The following POU2AF2 variants were observed in gnomAD, a reference collection of about 807,000 sequenced individuals.
The protein encoded by POU2AF2 is POU domain class 2-associating factor 2.
the POU2AF2 span, among the ~76,000 whole-genome samples, chr11:111,253,299 C>A: frequency 1.3e-5 from 2 of 152,176 alleles, no homozygotes; most frequent in Admixed American, 1.3e-4. Flanking sequence ...TTGGAAGTAG[C>A]CTGACCTGTT....
chr11:111,267,451 A>C, the POU2AF2 span, among the ~76,000 whole-genome samples: 1 of 152,050 alleles, frequency 6.6e-6, no homozygotes, highest in Non-Finnish European at 1.5e-5. Flanking sequence ...GGGCCTACTC[A>C]CATGACCCAT....
the POU2AF2 span, among the ~76,000 whole-genome samples, chr11:111,276,453 A>AATATATAGATAT: frequency 2.7e-5 from 1 of 37,692 alleles, no homozygotes; most frequent in Non-Finnish European, 5.0e-5. Context: ...AAAAAAAAAA[A>AATATATAGATAT]ATATATATAT....
the POU2AF2 span, among the ~76,000 whole-genome samples, chr11:111,280,055 AAAAT>A: frequency 0.061 from 4,005 of 65,144 alleles, 102 homozygotes; most frequent in African/African-American, 0.13. Context: ...AAAAAAAAAA[AAAAT>A]ATATATATAT....
the POU2AF2 span, chr11:111,284,321 C>T: frequency 6.2e-7 from 1 of 1,612,126 alleles, no homozygotes; most frequent in Non-Finnish European, 8.5e-7. Context: ...CAGCGCCTCG[C>T]CCCTACCGCC....
the POU2AF2 span, among the ~76,000 whole-genome samples, chr11:111,270,408 A>G: frequency 1.3e-5 from 2 of 152,348 alleles, no homozygotes; most frequent in Non-Finnish European, 1.5e-5. Flanking sequence ...TGTCAATAAC[A>G]TAGCCCTTAC....
the POU2AF2 span, chr11:111,286,157 C>T: frequency 7.5e-7 from 1 of 1,326,354 alleles, no homozygotes; most frequent in Non-Finnish European, 1.0e-6. Context: ...TCAGAATAAG[C>T]CTCAATGCTG....
the POU2AF2 span, chr11:111,284,092 A>G: frequency 2.5e-6 from 4 of 1,613,682 alleles, no homozygotes; most frequent in Non-Finnish European, 3.4e-6. Flanking sequence ...CGGTCACGTC[A>G]GGTTACTACG....
chr11:111,249,094 T>C, the POU2AF2 span, among the ~76,000 whole-genome samples: 2 of 152,250 alleles, frequency 1.3e-5, no homozygotes, highest in East Asian at 3.8e-4. Context: ...TCGATTCCTA[T>C]TAAATTTGCT....
the POU2AF2 span, among the ~76,000 whole-genome samples, chr11:111,259,860 G>A: frequency 4.6e-5 from 7 of 152,058 alleles, no homozygotes; most frequent in Non-Finnish European, 7.4e-5. Context: ...AGTATCTTAC[G>A]CTCATCCTCA....
the POU2AF2 span, among the ~76,000 whole-genome samples, chr11:111,259,606 G>T: frequency 6.6e-6 from 1 of 152,112 alleles, no homozygotes; most frequent in Non-Finnish European, 1.5e-5. Context: ...GTGAGCCACC[G>T]TGCCCAGCCC....
chr11:111,266,919 A>G, the POU2AF2 span, among the ~76,000 whole-genome samples: 1 of 152,160 alleles, frequency 6.6e-6, no homozygotes, highest in Non-Finnish European at 1.5e-5. Context: ...AGGATGGGTG[A>G]GCTTTGGAGT....
chr11:111,264,275 C>A, the POU2AF2 span, among the ~76,000 whole-genome samples: 881 of 152,014 alleles, frequency 5.8e-3, 8 homozygotes, highest in African/African-American at 0.02. Flanking sequence ...GTGGGCAGAT[C>A]TCTTGAGGTC....
At chr11:111,256,631 T>C in the POU2AF2 span, among the ~76,000 whole-genome samples, 8 of 152,216 alleles carry the variant, frequency 5.3e-5, no homozygotes, top group Non-Finnish European at 1.0e-4. Context: ...TTAGGCAAAA[T>C]GACCTCTGGG....
At chr11:111,266,273 T>A in the POU2AF2 span, among the ~76,000 whole-genome samples, 4 of 152,134 alleles carry the variant, frequency 2.6e-5, no homozygotes, top group African/African-American at 9.7e-5. Context: ...CATTCAGTGT[T>A]CTCCGTGTGT....
the POU2AF2 span, chr11:111,286,159 T>C: frequency 7.7e-7 from 1 of 1,298,028 alleles, no homozygotes; most frequent in Non-Finnish European, 1.1e-6. Flanking sequence ...AGAATAAGCC[T>C]CAATGCTGCT....
the POU2AF2 span, chr11:111,285,967 C>T: frequency 6.2e-7 from 1 of 1,614,008 alleles, no homozygotes; most frequent in Non-Finnish European, 8.5e-7. Context: ...AGGAAGCAGA[C>T]ACCGGTTCCC....
the POU2AF2 span, among the ~76,000 whole-genome samples, chr11:111,268,539 T>TTTA: frequency 4.1e-3 from 418 of 102,098 alleles, 15 homozygotes; most frequent in African/African-American, 0.019. Flanking sequence ...TTTATTTTAT[T>TTTA]TTATTTTATT....
chr11:111,256,839 C>A, the POU2AF2 span, among the ~76,000 whole-genome samples: 1 of 152,174 alleles, frequency 6.6e-6, no homozygotes, highest in South Asian at 2.1e-4. Context: ...CCTTCATCCA[C>A]GTAATTGTTA....
the POU2AF2 span, chr11:111,245,754 G>A: frequency 0.29 from 117,436 of 398,234 alleles, 20,515 homozygotes; most frequent in East Asian, 0.72. Context: ...GGGTCAGGCT[G>A]AGCTTTCTAG....
Sources: gnomAD v4.1 joint callset for allele counts (sites outside exome capture counted in the v4.1 genomes callset) on GRCh38, gnomAD v4.1.1 for gene constraint, MANE v1.5 for transcripts, NCBI Gene and HGNC (gene_info 2026-07-23, HGNC 2026-07-21) for gene names.